SMG6: variants seen among roughly 807,000 people sequenced by gnomAD.
SMG6 encodes SMG6 nonsense mediated mRNA decay factor, also known as telomerase-binding protein EST1A.
In SMG6, 66 loss-of-function variants were observed where a neutral mutation model predicts 142.2. The ratio of observed to expected loss-of-function variants is 0.46; its 90% CI spans 0.38 to 0.57. The LOEUF (loss-of-function observed/expected upper bound fraction) is 0.57. Among genes scored for constraint, SMG6 ranks in the 20% least tolerant of loss-of-function variants. The probability of loss-of-function intolerance (pLI) is 0.00; values close to 1 mark genes in which losing one functional copy is unlikely to be tolerated. For synonymous variants in SMG6, 779 were observed against 702.4 expected (o/e 1.11, Z -1.72); for missense variants, 1,793 against 1,832.0 (o/e 0.98, Z 0.39).
At chr17:2,220,360 G>A (rs988411340) in intron 10 of SMG6, among the ~76,000 whole-genome samples, 5 of 152,208 alleles carry the variant, frequency 3.3e-5, no homozygotes, top group African/African-American at 1.2e-4. Context: ...GCCAAGCTCA[G>A]CGGCTCATGC....
intron 13 of SMG6, among the ~76,000 whole-genome samples, chr17:2,144,044 G>A (rs996495832): frequency 7.4e-6 from 1 of 135,324 alleles, no homozygotes; most frequent in East Asian, 2.2e-4. Context: ...ATGCCACCAC[G>A]GCCGCTTTTT....
chr17:2,114,377 T>C (rs189111093), intron 13 of SMG6, among the ~76,000 whole-genome samples: 140 of 152,194 alleles, frequency 9.2e-4, no homozygotes, highest in African/African-American at 2.8e-3. Context: ...CAGTTTCCCA[T>C]TGAAATGACT....
At chr17:2,130,799 G>C (rs554849224) in intron 13 of SMG6, among the ~76,000 whole-genome samples, 1 of 150,704 alleles carries the variant, frequency 6.6e-6, no homozygotes, top group East Asian at 1.9e-4. Flanking sequence ...AAGGTCAGGA[G>C]TTTGACACCA....
chr17:2,247,692 A>C (rs986999333), intron 8 of SMG6, among the ~76,000 whole-genome samples: 2 of 152,172 alleles, frequency 1.3e-5, no homozygotes, highest in African/African-American at 4.8e-5. Flanking sequence ...CTGAGGCAGG[A>C]AAATCACTTG....
chr17:2,153,829 TAG>T (rs990449621), intron 13 of SMG6, among the ~76,000 whole-genome samples: 1 of 100,612 alleles, frequency 9.9e-6, no homozygotes, highest in Non-Finnish European at 1.9e-5. Context: ...GGGATGCATG[TAG>T]AGTGTGACGG....
At chr17:2,260,499 A>C (rs1202914703) in intron 8 of SMG6, among the ~76,000 whole-genome samples, 2 of 152,248 alleles carry the variant, frequency 1.3e-5, no homozygotes, top group East Asian at 3.8e-4. Context: ...AAGTCAAAGC[A>C]AACACCTCAA....
intron 10 of SMG6, among the ~76,000 whole-genome samples, chr17:2,210,586 T>C (rs777940331): frequency 6.6e-6 from 1 of 151,242 alleles, no homozygotes; most frequent in Non-Finnish European, 1.5e-5. Context: ...AATACACCAA[T>C]GGGGAAAGAG....
At chr17:2,168,403 G>A (rs1396889768) in intron 13 of SMG6, among the ~76,000 whole-genome samples, 2 of 151,864 alleles carry the variant, frequency 1.3e-5, no homozygotes, top group Non-Finnish European at 2.9e-5. Context: ...AGCTGGTCTC[G>A]AACTCCTAGC....
chr17:2,105,912 A>G (rs1038843929), intron 13 of SMG6, among the ~76,000 whole-genome samples: 2 of 152,206 alleles, frequency 1.3e-5, no homozygotes, highest in Admixed American at 1.3e-4. Context: ...GAACTTTTCT[A>G]CTGAATGTAA....
chr17:2,211,768 TTC>T (rs2072872387), intron 10 of SMG6, among the ~76,000 whole-genome samples: 1 of 152,132 alleles, frequency 6.6e-6, no homozygotes, highest in African/African-American at 2.4e-5. Context: ...GGAATATACA[TTC>T]TGTTACTGTG....
chr17:2,179,985 T>C (rs2071756954), intron 12 of SMG6, among the ~76,000 whole-genome samples: 1 of 151,748 alleles, frequency 6.6e-6, no homozygotes, highest in Admixed American at 6.5e-5. Flanking sequence ...TTTCACTTAC[T>C]GAGAACTAGA....
Position 2,256,988 on chromosome 17 carries a change from T to C in SMG6, c.2662-12269A>G, listed in dbSNP as rs559838938. Among the ~76,000 whole-genome samples the C allele has an allele frequency of 3.9e-5, 6 of 152,156 alleles. No homozygotes were observed. In the East Asian group the frequency reaches 9.7e-4, roughly 25 times the overall value. ...TGTATGTATGTATTTATTTATTTATTATTTTGAGACGGAGTCTCACTCTGT... is the reference window on the plus strand; with the variant it reads ...TGTATGTATGTATTTATTTATTTATCATTTTGAGACGGAGTCTCACTCTGT... On this transcript the variant is annotated intron_variant, in intron 8 of 18. Transcript: ENST00000263073.
chr17:2,131,438 G>A (rs2070118166), intron 13 of SMG6, among the ~76,000 whole-genome samples: 1 of 152,038 alleles, frequency 6.6e-6, no homozygotes, highest in South Asian at 2.1e-4. Context: ...TAGGACTACA[G>A]GTGCCTGGCC....
Position 2,127,525 on chromosome 17 carries a change from G to C in SMG6, c.3358-41624C>G, listed in dbSNP as rs563843017. ...ATCAAGCTTGTATGACTCAAGCATG[G>C]TTTTGGGGCCAGCATCCTCAGTTTC... On this transcript the variant is annotated intron_variant, in intron 13 of 18. Transcript: ENST00000263073. 3.0e-4 allele frequency: 191 copies of C among 642,686 alleles called. 1 individual carries two copies. The African/African-American group carries it at 3.2e-3, about 11-fold the overall frequency. 39.8% of individuals were successfully genotyped at this position (642,686 alleles called of 1,614,324 possible). A position where few individuals can be genotyped will look rare whatever the true frequency, so the allele number is the denominator to read the frequency against.
In SMG6 at chr17:2,172,766, A is replaced by G. The variant is rs1454442495; in HGVS notation, c.3249T>C (p.Asp1083=). The G allele has an allele frequency of 6.8e-6, 11 of 1,614,194 alleles. No individual in the cohort carries two copies. The highest frequency in any genetic ancestry group is 9.3e-6 in the Non-Finnish European group (11 of 1,180,036). ...CCAGGATAAGAAGGGTGAGGTCATCATCCGGGTCCTTGTACAGTGGCACCT... is the reference window on the plus strand; with the variant it reads ...CCAGGATAAGAAGGGTGAGGTCATCGTCCGGGTCCTTGTACAGTGGCACCT... ...QSEVPLYKDP[D]DDLTLLILEE... The change falls in exon 13 of 19, where the codon GAT becomes GAC. Residue 1083 remains aspartate (D), a synonymous_variant. Coordinates refer to ENST00000263073, the MANE Select transcript of SMG6 (RefSeq NM_017575.5).
At chr17:2,280,311 G>A (rs901543759) in intron 8 of SMG6, among the ~76,000 whole-genome samples, 1 of 151,908 alleles carries the variant, frequency 6.6e-6, no homozygotes, top group African/African-American at 2.4e-5. Flanking sequence ...TGCCCAGGCT[G>A]GAGTGCAGTG....
At chr17:2,226,323 G>C (rs529526548) in intron 10 of SMG6, among the ~76,000 whole-genome samples, 82 of 151,408 alleles carry the variant, frequency 5.4e-4, no homozygotes, top group Non-Finnish European at 9.7e-4. Flanking sequence ...AGTGGCTCCT[G>C]TAATCCCAGG....
rs1355715892 is a variant in SMG6 at position 2,123,112 on chromosome 17, G to A, written c.3358-37211C>T. Among the ~76,000 whole-genome samples, 3 of 85,234 alleles carry A rather than the reference G, an allele frequency of 3.5e-5. No individual in the cohort carries two copies. In the Admixed American group the frequency reaches 3.9e-4, roughly 11 times the overall value. The allele number at this position is 85,234 out of a possible 152,430, so 55.9% of individuals were successfully genotyped here. On this transcript the variant is annotated intron_variant, in intron 13 of 18. Coordinates refer to ENST00000263073, the MANE Select transcript of SMG6 (RefSeq NM_017575.5). ...ACGCTGGCTGCTCCACCGCAGCCCT[G>A]AAGGTATGAGGAAACCCTGGCGTGT...
intron 13 of SMG6, among the ~76,000 whole-genome samples, chr17:2,090,742 T>C (rs1678912781): frequency 1.3e-5 from 2 of 152,230 alleles, no homozygotes; most frequent in South Asian, 4.1e-4. Flanking sequence ...TCACACGGGT[T>C]TCCCCCCACA....
Sources: gnomAD v4.1 joint callset for allele counts (sites outside exome capture counted in the v4.1 genomes callset) on GRCh38, gnomAD v4.1.1 for gene constraint, MANE v1.5 for transcripts, NCBI Gene and HGNC (gene_info 2026-07-23, HGNC 2026-07-21) for gene names.